The following ZNF2 variants were observed in gnomAD, a reference collection of about 807,000 sequenced individuals.
ZNF2 encodes the protein zinc finger protein 2.
In ZNF2, 12 loss-of-function variants were observed where a neutral mutation model predicts 21.9. The observed-to-expected ratio is 0.55, with a 90% CI of 0.35 to 0.89. The LOEUF (loss-of-function observed/expected upper bound fraction) is 0.89. Ranked by LOEUF, ZNF2 falls within the 40% of genes least tolerant of loss-of-function variation. ZNF2 has a pLI of 0.01. For missense variants in ZNF2, 462 were observed against 544.2 expected (o/e 0.85, Z 1.50); for synonymous variants, 186 against 196.3 (o/e 0.95, Z 0.44).
rs1370834998 is a variant in ZNF2, at chr2:95,181,092, G to C, written c.275-11G>C. ...AGGAAAAAAACTGCATCTGTTTTCT[G>C]TTTGTTCCAGACTGGGAAACTAAGC... On this transcript the variant is annotated splice_polypyrimidine_tract_variant and intron_variant, in intron 4 of 4. Coordinates refer to ENST00000614034, the MANE Select transcript of ZNF2 (RefSeq NM_021088.4). 2 of 1,605,164 alleles carry C rather than the reference G, an allele frequency of 1.2e-6. No individual in the cohort carries two copies. The highest frequency in any genetic ancestry group is 2.7e-5 in the African/African-American group (2 of 74,330).
intron 4 of ZNF2, 79 bp from the exon 5 acceptor site, chr2:95,181,024 G>T: frequency 1.3e-6 from 2 of 1,508,192 alleles, no homozygotes; most frequent in South Asian, 2.5e-5. Context: ...ATTACTTTCA[G>T]ACTCATCGGA....
chr2:95,175,954 G>A (rs1212523734), intron 1 of ZNF2, among the ~76,000 whole-genome samples: 2 of 152,190 alleles, frequency 1.3e-5, no homozygotes, highest in Non-Finnish European at 2.9e-5. Flanking sequence ...TCTGCCTCTA[G>A]CATCGTGGTA....
At chr2:95,167,505 C>CAAAAAAAA (rs756206050) in intron 1 of ZNF2, among the ~76,000 whole-genome samples, 1 of 44,936 alleles carries the variant, frequency 2.2e-5, no homozygotes, top group Non-Finnish European at 4.8e-5. Flanking sequence ...GACTCAGTCT[C>CAAAAAAAA]AAAAAAAAAA....
In ZNF2 at chr2:95,181,591, A is replaced by G. The variant is rs1674656693; in HGVS notation, c.763A>G (p.Lys255Glu). The change falls in exon 5 of 5, where the codon AAA (lysine) becomes GAA (glutamate). Residue 255 changes from lysine (K) to glutamate (E), a missense_variant. Lys to Glu is a moderately conservative substitution (Grantham distance 56). Coordinates refer to ENST00000614034, the MANE Select transcript of ZNF2 (RefSeq NM_021088.4). The stretch of plus-strand genomic sequence containing the variant: ...CCATCAGCGAATTCACACTGGAGAG[A>G]AACCCTTTCAGTGCAACGAGTGTGG... ...TVHQRIHTGE[K>E]PFQCNECGKA... The G allele has an allele frequency of 6.8e-6, 11 of 1,614,196 alleles. No individual in the cohort carries two copies. The highest frequency in any genetic ancestry group is 9.3e-6 in the Non-Finnish European group (11 of 1,180,028).
At chr2:95,167,824 G>A (rs1411768072) in intron 1 of ZNF2, among the ~76,000 whole-genome samples, 2 of 150,804 alleles carry the variant, frequency 1.3e-5, no homozygotes, top group Non-Finnish European at 2.9e-5. Flanking sequence ...TTCAGCCTGG[G>A]CGACAAGAGT....
intron 1 of ZNF2, among the ~76,000 whole-genome samples, chr2:95,172,931 C>T (rs1452861364): frequency 6.6e-6 from 1 of 150,724 alleles, no homozygotes; most frequent in Non-Finnish European, 1.5e-5. Flanking sequence ...GCCACTGCAC[C>T]TGGCCGTTCT....
intron 1 of ZNF2, among the ~76,000 whole-genome samples, chr2:95,174,191 AATG>A (rs1179312846): frequency 6.6e-6 from 1 of 152,226 alleles, no homozygotes; most frequent in East Asian, 1.9e-4. Flanking sequence ...GGTTAGTGTT[AATG>A]ATGAGTCATA....
chr2:95,175,659 A>C (rs1674415410), intron 1 of ZNF2, among the ~76,000 whole-genome samples: 1 of 152,104 alleles, frequency 6.6e-6, no homozygotes, highest in African/African-American at 2.4e-5. Flanking sequence ...TCTACTAGTC[A>C]TGTGTGCATT....
chr2:95,180,477 G>A (rs866754594), intron 4 of ZNF2, among the ~76,000 whole-genome samples: 14 of 150,070 alleles, frequency 9.3e-5, no homozygotes, highest in East Asian at 1.9e-4. Flanking sequence ...ACTTTCTCAC[G>A]TCTGTAACGT....
intron 3 of ZNF2, 101 bp from the exon 4 acceptor site, chr2:95,180,055 TCAA>T: frequency 3.7e-6 from 3 of 806,110 alleles, no homozygotes; most frequent in South Asian, 1.6e-5. Flanking sequence ...AGATGCTGTC[TCAA>T]CAACAACAAA....
At chr2:95,166,276 G>T (rs1352389191) in intron 1 of ZNF2, among the ~76,000 whole-genome samples, 1 of 151,916 alleles carries the variant, frequency 6.6e-6, no homozygotes, top group East Asian at 1.9e-4. Context: ...GTGCTGGAGG[G>T]CTTCATGGAG....
chr2:95,174,875 G>A (rs1674389611), intron 1 of ZNF2, among the ~76,000 whole-genome samples: 1 of 152,176 alleles, frequency 6.6e-6, no homozygotes, highest in South Asian at 2.1e-4. Context: ...ATAGAAGGAT[G>A]AATGAATGAG....
At chr2:95,178,903 A>G (rs368311694) in intron 3 of ZNF2, among the ~76,000 whole-genome samples, 4 of 152,306 alleles carry the variant, frequency 2.6e-5, no homozygotes, top group East Asian at 3.9e-4. Context: ...CAGTACTGAT[A>G]TAAATAAAAT....
chr2:95,173,021 G>A (rs567494608), intron 1 of ZNF2, among the ~76,000 whole-genome samples: 3 of 151,440 alleles, frequency 2.0e-5, no homozygotes, highest in Non-Finnish European at 2.9e-5. Flanking sequence ...AGTATCCTGG[G>A]TATCCTTCCC....
At chr2:95,168,679 G>GT (rs1480936563) in intron 1 of ZNF2, among the ~76,000 whole-genome samples, 1 of 152,178 alleles carries the variant, frequency 6.6e-6, no homozygotes, top group Non-Finnish European at 1.5e-5. Context: ...TGAATGAACT[G>GT]TATGATAAAT....
At chr2:95,180,413 T>C (rs3112230) in intron 4 of ZNF2, 141 bp downstream of exon 4, 431,001 of 562,446 alleles carry the variant, frequency 0.77, 166,460 homozygotes, top group African/African-American at 0.87. Flanking sequence ...CAATAGCTTT[T>C]ATTTTTTTCC....
chr2:95,180,729 C>T (rs1573403513), intron 4 of ZNF2, among the ~76,000 whole-genome samples: 1 of 152,112 alleles, frequency 6.6e-6, no homozygotes, highest in South Asian at 2.1e-4. Context: ...ATGCTGGTCT[C>T]GAACTCCTGA....
At chr2:95,169,710 AT>A (rs1431788096) in intron 1 of ZNF2, among the ~76,000 whole-genome samples, 8 of 152,160 alleles carry the variant, frequency 5.3e-5, no homozygotes, top group Non-Finnish European at 1.5e-5. Flanking sequence ...AGATAATGTC[AT>A]TGCACTCCAG....
intron 1 of ZNF2, among the ~76,000 whole-genome samples, chr2:95,168,859 G>C (rs1386599333): frequency 6.6e-6 from 1 of 152,166 alleles, no homozygotes; most frequent in Non-Finnish European, 1.5e-5. Flanking sequence ...GGAATCTTTG[G>C]TGTGGTAGAA....
Sources: allele counts gnomAD v4.1 joint callset (sites outside exome capture counted in the v4.1 genomes callset), GRCh38; gene constraint gnomAD v4.1.1; transcripts MANE v1.5; gene names NCBI Gene and HGNC (gene_info 2026-07-23, HGNC 2026-07-21).